The following PPIL4 variants were observed in gnomAD, a reference collection of about 807,000 sequenced individuals.
PPIL4 encodes the protein peptidylprolyl isomerase like 4.
PPIL4 carries 50 observed loss-of-function variants against 69.1 expected under a neutral mutation model. The observed-to-expected ratio is 0.72, with a 90% confidence interval of 0.58 to 0.92. The LOEUF is 0.92. PPIL4 is among the 40% of genes least tolerant of loss of function. The pLI, the probability that PPIL4 is intolerant of heterozygous loss-of-function variation, is 0.00. For missense variants in PPIL4, 480 were observed against 587.9 expected (o/e 0.82, Z 1.90); for synonymous variants, 193 against 191.6 (o/e 1.01, Z -0.06).
Position 149,546,014 on chromosome 6 carries a change from C to T in PPIL4, c.-9G>A, listed in dbSNP as rs1777436241. On this transcript the variant is annotated 5_prime_UTR_variant, in exon 1 of 13. Transcript: ENST00000253329. The stretch of plus-strand genomic sequence containing the variant: ...TCCAGTAGAACCGCCATGGCGCCCG[C>T]TCCTCCTCCGCTACAAACCCCGGGA... The T allele has an allele frequency of 1.3e-6, 2 of 1,569,934 alleles. No homozygotes were observed.
intron 5 of PPIL4, 41 bp from the exon 6 acceptor site, chr6:149,534,815 T>G (rs2115037987): frequency 8.7e-7 from 1 of 1,146,170 alleles, no homozygotes; most frequent in Non-Finnish European, 1.3e-6. Context: ...ACATTGAAGT[T>G]ATTTCAGAAT....
intron 11 of PPIL4, among the ~76,000 whole-genome samples, chr6:149,515,019 G>C (rs1245233721): frequency 1.3e-5 from 2 of 151,872 alleles, no homozygotes; most frequent in Non-Finnish European, 2.9e-5. Flanking sequence ...TGTATTTTTA[G>C]TAGAGACGGA....
At chr6:149,507,578 T>A (rs1206539445) in intron 12 of PPIL4, among the ~76,000 whole-genome samples, 1 of 152,244 alleles carries the variant, frequency 6.6e-6, no homozygotes, top group South Asian at 2.1e-4. Context: ...ATGCCGAGAC[T>A]GCTGGCTGAT....
chr6:149,513,908 G>A (rs1365765709), intron 11 of PPIL4, among the ~76,000 whole-genome samples: 1 of 152,206 alleles, frequency 6.6e-6, no homozygotes, highest in Non-Finnish European at 1.5e-5. Flanking sequence ...GGATTTTGAG[G>A]AAGACTGACA....
At chr6:149,538,332 G>C (rs1381614981) in intron 4 of PPIL4, among the ~76,000 whole-genome samples, 2 of 151,986 alleles carry the variant, frequency 1.3e-5, no homozygotes, top group Non-Finnish European at 2.9e-5. Flanking sequence ...GGATCGAAGA[G>C]TAATTTCAAC....
intron 10 of PPIL4, among the ~76,000 whole-genome samples, chr6:149,519,212 G>A (rs1475769236): frequency 7.9e-5 from 12 of 152,158 alleles, no homozygotes; most frequent in Admixed American, 5.9e-4. Flanking sequence ...TGTAGGGTCT[G>A]TCTAAATCAT....
intron 9 of PPIL4, among the ~76,000 whole-genome samples, chr6:149,523,305 G>C (rs570784430): frequency 6.6e-6 from 1 of 151,776 alleles, no homozygotes; most frequent in African/African-American, 2.4e-5. Flanking sequence ...CAAAAAAAAA[G>C]TAAAAGGAAA....
At chr6:149,532,449 T>C (rs902389808) in intron 7 of PPIL4, among the ~76,000 whole-genome samples, 1 of 152,196 alleles carries the variant, frequency 6.6e-6, no homozygotes, top group African/African-American at 2.4e-5. Flanking sequence ...GTAATTCTCT[T>C]AGAATTTGTC....
chr6:149,518,473 TACAG>T (rs1052825474), intron 10 of PPIL4, among the ~76,000 whole-genome samples: 51 of 152,174 alleles, frequency 3.4e-4, no homozygotes, highest in African/African-American at 1.2e-3. Context: ...AAACTGGAGG[TACAG>T]ACAGAGGTTT....
chr6:149,510,946 G>A (rs1004107792), intron 12 of PPIL4, among the ~76,000 whole-genome samples: 1 of 152,030 alleles, frequency 6.6e-6, no homozygotes, highest in African/African-American at 2.4e-5. Context: ...TGCCTGTGAA[G>A]TATTTCTCAC....
intron 7 of PPIL4, among the ~76,000 whole-genome samples, chr6:149,528,193 G>A (rs985994829): frequency 2.5e-4 from 38 of 152,096 alleles, no homozygotes; most frequent in Non-Finnish European, 2.9e-4. Context: ...AGGCAGCAGT[G>A]AGCTATGATC....
chr6:149,541,687 G>A (rs561587365), intron 1 of PPIL4, 101 bp from the exon 2 acceptor site: 62 of 661,284 alleles, frequency 9.4e-5, no homozygotes, highest in Admixed American at 1.1e-4. Context: ...ACTATTAAAA[G>A]AAAAAAAAAG....
chr6:149,537,858 T>A (rs12660849), intron 4 of PPIL4, among the ~76,000 whole-genome samples: 14,816 of 152,270 alleles, frequency 0.097, 1,228 homozygotes, highest in East Asian at 0.44. Context: ...AAGATCCTTT[T>A]AAATATGACT....
chr6:149,542,328 C>T (rs1414345804), intron 1 of PPIL4, among the ~76,000 whole-genome samples: 6 of 152,182 alleles, frequency 3.9e-5, no homozygotes, highest in Non-Finnish European at 8.8e-5. Flanking sequence ...AAAATCCATA[C>T]ACTTATGAAC....
chr6:149,509,646 A>G (rs543761009), intron 12 of PPIL4, among the ~76,000 whole-genome samples: 34 of 152,216 alleles, frequency 2.2e-4, no homozygotes, highest in Non-Finnish European at 5.0e-4. Flanking sequence ...ATATTATACT[A>G]TGGGACAAAT....
rs1312949159 is a variant in PPIL4 at position 149,543,953 on chromosome 6, T to A, written c.70+1983A>T. Among the ~76,000 whole-genome samples, 3 of 152,232 alleles carry A rather than the reference T, an allele frequency of 2.0e-5. No individual in the cohort carries two copies. The South Asian group carries it at 6.2e-4, about 31-fold the overall frequency. ...AGAATGGAAGGTAGGTAAGTCTGGA[T>A]ATGTTGATCATAGATTGATAAGTGA... On this transcript the variant is annotated intron_variant, in intron 1 of 12. Transcript: ENST00000253329.
At chr6:149,512,133 TA>T (rs1384294406) in intron 12 of PPIL4, 21 bp downstream of exon 12, 3 of 1,564,898 alleles carry the variant, frequency 1.9e-6, no homozygotes, top group South Asian at 1.2e-5. Flanking sequence ...TCTCCACATC[TA>T]AGTCTGGACA....
intron 10 of PPIL4, among the ~76,000 whole-genome samples, chr6:149,520,739 C>T (rs999122847): frequency 6.6e-6 from 1 of 152,228 alleles, no homozygotes; most frequent in East Asian, 1.9e-4. Flanking sequence ...CAAGGCCGGG[C>T]GCAGTGGCTC....
chr6:149,540,799 T>C (rs528818980), intron 4 of PPIL4, 143 bp downstream of exon 4: 157 of 465,410 alleles, frequency 3.4e-4, no homozygotes, highest in Middle Eastern at 5.8e-4. Flanking sequence ...TTTTTTAATA[T>C]AGAAAAAGTG....
Sources: gnomAD v4.1 joint callset for allele counts (sites outside exome capture counted in the v4.1 genomes callset) on GRCh38, gnomAD v4.1.1 for gene constraint, MANE v1.5 for transcripts, NCBI Gene and HGNC (gene_info 2026-07-23, HGNC 2026-07-21) for gene names.